The following UNC5D variants were observed in gnomAD, a reference collection of about 807,000 sequenced individuals.
The protein encoded by UNC5D is netrin receptor UNC5D.
Under a neutral mutation model 105.4 loss-of-function variants are expected in UNC5D, and 39 were observed. The ratio of observed to expected loss-of-function variants is 0.37; its 90% confidence interval spans 0.29 to 0.48. The LOEUF (loss-of-function observed/expected upper bound fraction) is 0.48. UNC5D is among the 20% of genes least tolerant of loss of function. The pLI is 0.98. For synonymous variants in UNC5D, 452 were observed against 450.4 expected (o/e 1.00, Z -0.04); for missense variants, 991 against 1,202.4 (o/e 0.82, Z 2.60).
At chr8:35,253,337 T>C (rs1585420423) in intron 1 of UNC5D, among the ~76,000 whole-genome samples, 2 of 152,100 alleles carry the variant, frequency 1.3e-5, no homozygotes, top group Admixed American at 6.5e-5. Flanking sequence ...GAAATTCTTC[T>C]TAAATTTCAT....
chr8:35,383,943 G>T (rs1001112864), intron 1 of UNC5D, among the ~76,000 whole-genome samples: 1 of 151,910 alleles, frequency 6.6e-6, no homozygotes, highest in Non-Finnish European at 1.5e-5. Flanking sequence ...GAGGCTGGGC[G>T]CGGTGGCTCA....
intron 7 of UNC5D, among the ~76,000 whole-genome samples, chr8:35,702,241 G>A (rs1045027631): frequency 4.6e-5 from 7 of 151,806 alleles, no homozygotes; most frequent in African/African-American, 1.7e-4. Context: ...GACCCTTCTG[G>A]GACCATTTAT....
chr8:35,443,237 G>A (rs181891922), intron 1 of UNC5D, among the ~76,000 whole-genome samples: 2 of 151,722 alleles, frequency 1.3e-5, no homozygotes, highest in Non-Finnish European at 2.9e-5. Context: ...TGTAAAATGT[G>A]TACCTACTGT....
At chr8:35,381,772 A>G (rs1803056667) in intron 1 of UNC5D, among the ~76,000 whole-genome samples, 1 of 152,206 alleles carries the variant, frequency 6.6e-6, no homozygotes, top group African/African-American at 2.4e-5. Context: ...TTCTAAGCAT[A>G]AAGTCTTTAT....
intron 4 of UNC5D, among the ~76,000 whole-genome samples, chr8:35,600,873 C>T (rs1414300049): frequency 6.6e-6 from 1 of 151,992 alleles, no homozygotes; most frequent in Non-Finnish European, 1.5e-5. Flanking sequence ...AAGACCTTGC[C>T]CATGCCTATG....
At chr8:35,634,642 G>T (rs1201157576) in intron 4 of UNC5D, among the ~76,000 whole-genome samples, 2 of 151,928 alleles carry the variant, frequency 1.3e-5, no homozygotes, top group African/African-American at 4.8e-5. Flanking sequence ...ATGCAGGGGG[G>T]AAAAAACAGA....
rs1381998565 is a variant in UNC5D, at chr8:35,441,836, A to G, written c.104-107456A>G. 2.0e-5 allele frequency among the ~76,000 whole-genome samples: 3 copies of G among 151,672 alleles called. No individual in the cohort carries two copies. The East Asian group carries it at 5.8e-4, about 29-fold the overall frequency. ...CATATGCAATAGAATCCATCGTCTG[A>G]CCATTATTCATCTAATAAGAAGCGG... On this transcript the variant is annotated intron_variant, in intron 1 of 16. Transcript: ENST00000404895.
intron 4 of UNC5D, among the ~76,000 whole-genome samples, chr8:35,666,204 T>C (rs1258929070): frequency 6.6e-6 from 1 of 151,950 alleles, no homozygotes; most frequent in East Asian, 1.9e-4. Flanking sequence ...AGAAATAATA[T>C]GGAAATGTGG....
rs1824150768 is a variant in UNC5D at position 35,662,205 on chromosome 8, CTG to C, written c.571-21339_571-21338del. Among the ~76,000 whole-genome samples, 4 of 118,196 alleles carry C rather than the reference CTG, an allele frequency of 3.4e-5. No individual in the cohort carries two copies. The East Asian group carries it at 7.9e-4, about 23-fold the overall frequency. 77.5% of individuals were successfully genotyped at this position (118,196 alleles called of 152,430 possible). On this transcript the variant is annotated intron_variant, in intron 4 of 16. Transcript: ENST00000404895. ...AGCTTTCAAAAAAAAAAAAAAAAAA[CTG>C]TGCGTAGTGGTTTAGACTGATTTAA...
chr8:35,410,125 T>C (rs1805069274), intron 1 of UNC5D, among the ~76,000 whole-genome samples: 1 of 152,000 alleles, frequency 6.6e-6, no homozygotes, highest in Admixed American at 6.6e-5. Context: ...TGGAGATTAT[T>C]CTCTAATTTG....
intron 1 of UNC5D, among the ~76,000 whole-genome samples, chr8:35,335,096 A>G (rs1047872633): frequency 6.6e-6 from 1 of 152,162 alleles, no homozygotes; most frequent in African/African-American, 2.4e-5. Flanking sequence ...AGGTTCTTCT[A>G]TGCTGTGTGT....
chr8:35,295,841 C>G (rs1348758288), intron 1 of UNC5D, among the ~76,000 whole-genome samples: 2 of 152,196 alleles, frequency 1.3e-5, no homozygotes, highest in Non-Finnish European at 2.9e-5. Flanking sequence ...TCCTCCACTC[C>G]TCAGCCTCTG....
intron 4 of UNC5D, among the ~76,000 whole-genome samples, chr8:35,654,576 A>G (rs74354751): frequency 0.011 from 1,694 of 152,096 alleles, 34 homozygotes; most frequent in African/African-American, 0.039. Flanking sequence ...ACTGGCTTTA[A>G]ATTGTTTACT....
chr8:35,533,125 G>T (rs1421356710), intron 1 of UNC5D, among the ~76,000 whole-genome samples: 1 of 151,860 alleles, frequency 6.6e-6, no homozygotes, highest in Non-Finnish European at 1.5e-5. Context: ...GAGGCGCTCT[G>T]CATTTTAGAG....
At chr8:35,336,241 T>C (rs1811028628) in intron 1 of UNC5D, among the ~76,000 whole-genome samples, 1 of 152,130 alleles carries the variant, frequency 6.6e-6, no homozygotes, top group South Asian at 2.1e-4. Flanking sequence ...AATCTCTAGA[T>C]TGAAAGCTAA....
At chr8:35,265,158 A>G (rs1190151232) in intron 1 of UNC5D, among the ~76,000 whole-genome samples, 1 of 152,188 alleles carries the variant, frequency 6.6e-6, no homozygotes, top group Non-Finnish European at 1.5e-5. Flanking sequence ...TATTTAGACT[A>G]CAGTTAACAA....
chr8:35,489,660 G>T (rs1456845421), intron 1 of UNC5D, among the ~76,000 whole-genome samples: 1 of 152,188 alleles, frequency 6.6e-6, no homozygotes, highest in Non-Finnish European at 1.5e-5. Flanking sequence ...CACCCAGTCT[G>T]TGGTATCATG....
intron 1 of UNC5D, among the ~76,000 whole-genome samples, chr8:35,256,969 T>TG (rs1563254755): frequency 2.0e-5 from 3 of 149,428 alleles, no homozygotes; most frequent in African/African-American, 7.7e-5. Context: ...GTTTTTTTTT[T>TG]TTTTTTGTTT....
chr8:35,477,088 A>G (rs942983861), intron 1 of UNC5D, among the ~76,000 whole-genome samples: 2 of 152,136 alleles, frequency 1.3e-5, no homozygotes, highest in African/African-American at 4.8e-5. Context: ...GATGTGCTGT[A>G]CTTGAAAAGA....
Sources: allele counts gnomAD v4.1 joint callset (sites outside exome capture counted in the v4.1 genomes callset), GRCh38; gene constraint gnomAD v4.1.1; transcripts MANE v1.5; gene names NCBI Gene and HGNC (gene_info 2026-07-23, HGNC 2026-07-21).